Variants in ABLIM3 observed in about 807,000 individuals in gnomAD.
ABLIM3 encodes actin-binding LIM protein 3.
ABLIM3 carries 61 observed loss-of-function variants against 109.5 expected under a neutral mutation model. The observed-to-expected ratio is 0.56, with a 90% CI of 0.45 to 0.69. The LOEUF (loss-of-function observed/expected upper bound fraction) is 0.69. Ranked by LOEUF, ABLIM3 falls within the 30% of genes least tolerant of loss-of-function variation. The pLI is 0.00. For synonymous variants in ABLIM3, 300 were observed against 324.8 expected (o/e 0.92, Z 0.82); for missense variants, 796 against 889.5 (o/e 0.89, Z 1.34).
chr5:149,239,838 A>C lies in ABLIM3; in HGVS notation c.1154A>C (p.Gln385Pro). Residue 385 changes from glutamine to proline, a missense_variant, in exon 13 of 24, where the codon CAG (glutamine) becomes CCG (proline). By Grantham distance (76) the Gln-to-Pro change is moderately conservative. Coordinates refer to ENST00000309868, the MANE Select transcript of ABLIM3 (RefSeq NM_014945.5). ...ATAGACTCCCCCACCTACAGCCGGC[A>C]GGGCATGTCCCCCACCTTCTCCCGC... is the stretch of plus-strand genomic sequence containing the variant. ...GYIDSPTYSR[Q>P]GMSPTFSRSP... 6.2e-7 allele frequency: 1 copy of C among 1,611,388 alleles called. No homozygotes were observed. Among genetic ancestry groups the C allele is most frequent in the Non-Finnish European group, 8.5e-7 (1 of 1,178,666 alleles).
At chr5:149,205,145 C>T (rs1758849037) in intron 5 of ABLIM3, among the ~76,000 whole-genome samples, 1 of 152,104 alleles carries the variant, frequency 6.6e-6, no homozygotes, top group African/African-American at 2.4e-5. Context: ...AAAGAACTGT[C>T]GTATGGGAAA....
chr5:149,147,588 T>C (rs1225380177), intron 2 of ABLIM3, among the ~76,000 whole-genome samples: 1 of 152,100 alleles, frequency 6.6e-6, no homozygotes. Flanking sequence ...TCTGTGTAAG[T>C]GGACCTACAC....
chr5:149,209,876 A>G (rs1431712106), intron 6 of ABLIM3, among the ~76,000 whole-genome samples: 1 of 152,198 alleles, frequency 6.6e-6, no homozygotes, highest in Non-Finnish European at 1.5e-5. Context: ...GTGGGCCCCC[A>G]GCAACCTCAT....
In ABLIM3 at chr5:149,258,885, T is replaced by C. The variant is rs1754679427; in HGVS notation, c.*481T>C. 6.1e-6 allele frequency: 6 copies of C among 989,866 alleles called. No homozygotes were observed. Among genetic ancestry groups the C allele is most frequent in the Non-Finnish European group, 2.4e-6 (2 of 832,952 alleles). 61.3% of individuals were successfully genotyped at this position (989,866 alleles called of 1,614,324 possible). ...ACCTTTGAGCGCCCACGAAGAACTTTCTCAACACCCCCAATTAGGAGCTCA... is the reference window on the plus strand; with the variant it reads ...ACCTTTGAGCGCCCACGAAGAACTTCCTCAACACCCCCAATTAGGAGCTCA... On this transcript the variant is annotated 3_prime_UTR_variant, in exon 24 of 24. Transcript: ENST00000309868.
At chr5:149,156,148 ATACC>A (rs1753852345) in intron 2 of ABLIM3, among the ~76,000 whole-genome samples, 1 of 152,240 alleles carries the variant, frequency 6.6e-6, no homozygotes, top group African/African-American at 2.4e-5. Context: ...GTATATTCTA[ATACC>A]TGGGACTGTG....
At chr5:149,169,808 T>C (rs893043461) in intron 2 of ABLIM3, among the ~76,000 whole-genome samples, 1 of 152,202 alleles carries the variant, frequency 6.6e-6, no homozygotes, top group Non-Finnish European at 1.5e-5. Flanking sequence ...CACAAGATGC[T>C]ATGGCTCATG....
chr5:149,258,258 TC>T (rs1754621619), intron 23 of ABLIM3, 32 bp from the exon 24 acceptor site: 6 of 1,595,168 alleles, frequency 3.8e-6, no homozygotes, highest in Admixed American at 1.7e-5. Flanking sequence ...TCTTTCTCTG[TC>T]CCCCCACCCC....
intron 18 of ABLIM3, 30 bp from the exon 19 acceptor site, chr5:149,249,785 G>A (rs770059268): frequency 9.9e-6 from 16 of 1,613,890 alleles, no homozygotes; most frequent in Non-Finnish European, 1.2e-5. Context: ...TTCCTCATGA[G>A]CAATGACCTT....
At position 149,239,857 on chromosome 5, in the gene ABLIM3, C is replaced by A. The variant is rs1752619606; in HGVS notation, c.1173C>A (p.Phe391Leu). 6.2e-7 allele frequency: 1 copy of A among 1,610,432 alleles called. No homozygotes were observed. The highest frequency in any genetic ancestry group is 1.1e-5 in the South Asian group (1 of 90,570). The part of the protein sequence containing the change: ...TYSRQGMSPT[F>L]SRSPHHYYRS... ...GCCGGCAGGGCATGTCCCCCACCTT[C>A]TCCCGCTCACCTCACCACTACTACC... is the stretch of plus-strand genomic sequence containing the variant. The change falls in exon 13 of 24, where the codon TTC (phenylalanine) becomes TTA (leucine). Residue 391 changes from phenylalanine to leucine, a missense_variant. Transcript: ENST00000309868.
chr5:149,188,578 C>T (rs1757191039), intron 3 of ABLIM3, among the ~76,000 whole-genome samples: 1 of 152,160 alleles, frequency 6.6e-6, no homozygotes, highest in Non-Finnish European at 1.5e-5. Context: ...TGCAGATGGC[C>T]GCCATCTTGC....
At chr5:149,196,665 G>T (rs1408970081) in intron 3 of ABLIM3, among the ~76,000 whole-genome samples, 1 of 152,212 alleles carries the variant, frequency 6.6e-6, no homozygotes, top group African/African-American at 2.4e-5. Context: ...TCCTCTGATT[G>T]CTAATCAGGC....
intron 6 of ABLIM3, among the ~76,000 whole-genome samples, chr5:149,207,990 T>C (rs2918285): frequency 0.39 from 58,654 of 152,170 alleles, 11,546 homozygotes; most frequent in East Asian, 0.52. Context: ...CAGACCCTTC[T>C]AGGTGCCACT....
chr5:149,239,970 C>A, intron 13 of ABLIM3, 82 bp downstream of exon 13: 6 of 1,479,732 alleles, frequency 4.1e-6, no homozygotes, highest in Non-Finnish European at 5.4e-6. Context: ...GCAGAGGGCA[C>A]AAGGCTCCCC....
At chr5:149,141,809 T>C in intron 1 of ABLIM3, 155 bp downstream of exon 1, 1 of 501,812 alleles carries the variant, frequency 2.0e-6, no homozygotes, top group Non-Finnish European at 3.6e-6. Flanking sequence ...ACCCCACTTC[T>C]GCCCGGGATT....
intron 5 of ABLIM3, among the ~76,000 whole-genome samples, chr5:149,205,358 G>A (rs1020558892): frequency 2.0e-5 from 3 of 152,182 alleles, no homozygotes; most frequent in Non-Finnish European, 2.9e-5. Flanking sequence ...CGAGAATGCT[G>A]TAGGTTACTG....
intron 2 of ABLIM3, among the ~76,000 whole-genome samples, chr5:149,172,521 C>T (rs1420464054): frequency 6.6e-6 from 1 of 152,178 alleles, no homozygotes; most frequent in African/African-American, 2.4e-5. Flanking sequence ...TCTGTTCTTC[C>T]AGATCCTACA....
intron 11 of ABLIM3, among the ~76,000 whole-genome samples, chr5:149,238,121 A>G (rs1752420317): frequency 6.6e-6 from 1 of 152,184 alleles, no homozygotes; most frequent in South Asian, 2.1e-4. Flanking sequence ...CTTCAAAGGA[A>G]GAGACGCTTT....
At chr5:149,234,859 A>C (rs1762192308) in intron 10 of ABLIM3, among the ~76,000 whole-genome samples, 1 of 152,228 alleles carries the variant, frequency 6.6e-6, no homozygotes. Flanking sequence ...GCTGCACTGT[A>C]ATACTGTTCA....
At chr5:149,209,891 G>A (rs1217812513) in intron 6 of ABLIM3, among the ~76,000 whole-genome samples, 1 of 152,212 alleles carries the variant, frequency 6.6e-6, no homozygotes, top group African/African-American at 2.4e-5. Context: ...CCTCATCAGG[G>A]CAACAGCTTC....
Sources: gnomAD v4.1 joint callset for allele counts (sites outside exome capture counted in the v4.1 genomes callset) on GRCh38, gnomAD v4.1.1 for gene constraint, MANE v1.5 for transcripts, NCBI Gene and HGNC (gene_info 2026-07-23, HGNC 2026-07-21) for gene names.